Variants in CALCR observed in about 807,000 individuals in gnomAD.
CALCR encodes calcitonin receptor.
CALCR carries 47 observed loss-of-function variants against 59.5 expected under a neutral mutation model. The observed-to-expected ratio is 0.79, with a 90% CI of 0.63 to 1.01. CALCR has a LOEUF of 1.01. Ranked by LOEUF, CALCR falls within the 50% of genes least tolerant of loss-of-function variation. CALCR has a pLI of 0.00. For missense variants in CALCR, 566 were observed against 597.1 expected (o/e 0.95, Z 0.54); for synonymous variants, 213 against 211.3 (o/e 1.01, Z -0.07).
rs561428749 is a variant in CALCR at position 93,548,726 on chromosome 7, GA to G, written c.-27+25562del. Among the ~76,000 whole-genome samples the G allele has an allele frequency of 1.7e-3, 241 of 143,462 alleles. 2 individuals are homozygous for G. The South Asian group carries it at 0.046, about 28-fold the overall frequency. The allele number at this position is 143,462 out of a possible 152,430, so 94.1% of individuals were successfully genotyped here. A position where few individuals can be genotyped will look rare whatever the true frequency, so the allele number is the denominator to read the frequency against. On this transcript the variant is annotated intron_variant, in intron 2 of 13. Transcript: ENST00000426151. The stretch of plus-strand genomic sequence containing the variant: ...TTCATCTCATTAAGAGAAGCATTTG[GA>G]AAAAAAAAAGCTTTACTTTAACTAC...
intron 8 of CALCR, among the ~76,000 whole-genome samples, chr7:93,456,743 T>C (rs1800217647): frequency 6.6e-6 from 1 of 152,170 alleles, no homozygotes; most frequent in African/African-American, 2.4e-5. Context: ...TAAAAATACA[T>C]TGGAAGAACC....
At chr7:93,557,226 A>G (rs1186161024) in intron 2 of CALCR, among the ~76,000 whole-genome samples, 1 of 152,014 alleles carries the variant, frequency 6.6e-6, no homozygotes, top group Non-Finnish European at 1.5e-5. Flanking sequence ...TATGTATAAA[A>G]TGAAGATAAT....
At chr7:93,453,862 CT>C (rs1162331594) in intron 8 of CALCR, among the ~76,000 whole-genome samples, 3 of 152,018 alleles carry the variant, frequency 2.0e-5, no homozygotes, top group African/African-American at 7.2e-5. Context: ...ATCCTCTATA[CT>C]TTTCTGCACC....
chr7:93,528,021 T>C (rs1363221286), intron 2 of CALCR, among the ~76,000 whole-genome samples: 1 of 152,202 alleles, frequency 6.6e-6, no homozygotes, highest in Non-Finnish European at 1.5e-5. Flanking sequence ...ATATAAGATA[T>C]CATTATCTAC....
At chr7:93,434,355 A>C in intron 12 of CALCR, 61 bp from the exon 13 acceptor site, 1 of 1,206,174 alleles carries the variant, frequency 8.3e-7, no homozygotes, top group Non-Finnish European at 1.2e-6. Flanking sequence ...TTGTTTAGTA[A>C]ACAATATAAT....
At chr7:93,460,595 A>ATATATATATATATATATATG (rs1800310231) in intron 8 of CALCR, among the ~76,000 whole-genome samples, 2 of 77,834 alleles carry the variant, frequency 2.6e-5, no homozygotes, top group African/African-American at 5.1e-5. Flanking sequence ...ATATATATGT[A>ATATATATATATATATATATG]TATATATATA....
chr7:93,560,267 C>T (rs1369434673), intron 2 of CALCR, among the ~76,000 whole-genome samples: 2 of 152,060 alleles, frequency 1.3e-5, no homozygotes, highest in Non-Finnish European at 2.9e-5. Flanking sequence ...GACACACCCA[C>T]TTTTTCTAAT....
At chr7:93,488,686 G>A (rs983716249) in intron 2 of CALCR, among the ~76,000 whole-genome samples, 25 of 151,396 alleles carry the variant, frequency 1.7e-4, no homozygotes, top group African/African-American at 6.1e-4. Flanking sequence ...TTGCATGATG[G>A]TAAAGGGAAC....
intron 2 of CALCR, among the ~76,000 whole-genome samples, chr7:93,495,454 A>T (rs1186770072): frequency 2.6e-5 from 4 of 151,396 alleles, no homozygotes; most frequent in Non-Finnish European, 4.4e-5. Context: ...AGGAATGTCA[A>T]TCTATAATTT....
chr7:93,494,996 G>C (rs1415774038), intron 2 of CALCR, among the ~76,000 whole-genome samples: 1 of 151,384 alleles, frequency 6.6e-6, no homozygotes, highest in African/African-American at 2.4e-5. Context: ...GTGGAATCTA[G>C]AGACTGATTA....
At chr7:93,454,712 A>T (rs1800173645) in intron 8 of CALCR, among the ~76,000 whole-genome samples, 1 of 152,026 alleles carries the variant, frequency 6.6e-6, no homozygotes, top group African/African-American at 2.4e-5. Flanking sequence ...TAAACTGAGG[A>T]TGTATTCAGC....
At chr7:93,479,194 C>T (rs1800737711) in intron 4 of CALCR, among the ~76,000 whole-genome samples, 160 bp downstream of exon 4, 1 of 151,828 alleles carries the variant, frequency 6.6e-6, no homozygotes, top group South Asian at 2.1e-4. Context: ...AGAAATTAGG[C>T]ATATGCACTG....
chr7:93,561,877 G>A (rs916846132), intron 2 of CALCR, among the ~76,000 whole-genome samples: 1 of 152,082 alleles, frequency 6.6e-6, no homozygotes, highest in Admixed American at 6.6e-5. Context: ...CCTTCAGTAG[G>A]AGTACAGGAC....
At chr7:93,462,278 A>G (rs1255399001) in intron 7 of CALCR, among the ~76,000 whole-genome samples, 3 of 152,210 alleles carry the variant, frequency 2.0e-5, no homozygotes, top group Non-Finnish European at 4.4e-5. Context: ...ATTTACATCC[A>G]TGAGGCAGGC....
intron 2 of CALCR, among the ~76,000 whole-genome samples, chr7:93,499,026 A>G (rs758128673): frequency 1.5e-4 from 22 of 151,682 alleles, no homozygotes; most frequent in Non-Finnish European, 2.8e-4. Context: ...TAAGCATGTT[A>G]CTATATCTTT....
intron 3 of CALCR, chr7:93,482,865 C>T (rs763353459): frequency 1.3e-5 from 7 of 533,060 alleles, no homozygotes; most frequent in Non-Finnish European, 1.9e-5. Context: ...AAAATTAGAA[C>T]CTCTGTTGTC....
chr7:93,526,040 G>A (rs1012938075), intron 2 of CALCR, among the ~76,000 whole-genome samples: 1 of 152,072 alleles, frequency 6.6e-6, no homozygotes, highest in Non-Finnish European at 1.5e-5. Flanking sequence ...AGATGTGATT[G>A]GAATCAATGG....
intron 2 of CALCR, among the ~76,000 whole-genome samples, chr7:93,497,818 T>C (rs1445843049): frequency 6.6e-6 from 1 of 151,632 alleles, no homozygotes; most frequent in African/African-American, 2.4e-5. Context: ...ATTTTCACTG[T>C]TATTTTTAAG....
At chr7:93,509,256 G>T (rs1318259411) in intron 2 of CALCR, among the ~76,000 whole-genome samples, 1 of 152,094 alleles carries the variant, frequency 6.6e-6, no homozygotes, top group Non-Finnish European at 1.5e-5. Context: ...AGGAAATGAT[G>T]AAGTCTTACC....
Sources: allele counts gnomAD v4.1 joint callset (sites outside exome capture counted in the v4.1 genomes callset), GRCh38; gene constraint gnomAD v4.1.1; transcripts MANE v1.5; gene names NCBI Gene and HGNC (gene_info 2026-07-23, HGNC 2026-07-21).